SLC2A13: variants seen among roughly 807,000 people sequenced by gnomAD.
SLC2A13 encodes proton myo-inositol cotransporter.
A neutral mutation model predicts 64.4 loss-of-function variants in SLC2A13; 32 were observed. That is an observed-to-expected ratio of 0.50 (90% CI 0.37 to 0.67). The LOEUF is 0.67. SLC2A13 is among the 30% of genes least tolerant of loss of function. The pLI is 0.00. For synonymous variants in SLC2A13, 338 were observed against 327.1 expected (o/e 1.03, Z -0.36); for missense variants, 743 against 829.2 (o/e 0.90, Z 1.28).
chr12:39,799,802 G>A (rs1193464247), intron 7 of SLC2A13, among the ~76,000 whole-genome samples: 1 of 152,098 alleles, frequency 6.6e-6, no homozygotes, highest in Admixed American at 6.6e-5. Context: ...CTAAAGCCTG[G>A]CAACTGAGGA....
At chr12:39,832,279 T>A (rs1394092184) in intron 6 of SLC2A13, among the ~76,000 whole-genome samples, 2 of 152,164 alleles carry the variant, frequency 1.3e-5, no homozygotes, top group East Asian at 3.9e-4. Flanking sequence ...TGTTTTGTAT[T>A]CTGCCCATAT....
chr12:40,046,906 CTTTT>C (rs146609362), intron 2 of SLC2A13, among the ~76,000 whole-genome samples: 1 of 144,928 alleles, frequency 6.9e-6, no homozygotes, highest in East Asian at 2.0e-4. Context: ...TTCTTTCTTT[CTTTT>C]TTTTTTTTTG....
At chr12:39,896,151 T>C (rs935944278) in intron 4 of SLC2A13, among the ~76,000 whole-genome samples, 1 of 149,228 alleles carries the variant, frequency 6.7e-6, no homozygotes, top group African/African-American at 2.4e-5. Flanking sequence ...CCTATATATG[T>C]ATACACGTGT....
At chr12:39,916,092 T>C (rs1056165217) in intron 4 of SLC2A13, among the ~76,000 whole-genome samples, 2 of 151,886 alleles carry the variant, frequency 1.3e-5, no homozygotes, top group Non-Finnish European at 2.9e-5. Flanking sequence ...GATTAAAAAT[T>C]TTAATAACCA....
rs570263043 is a variant in SLC2A13 at position 39,803,427 on chromosome 12, C to A, written c.1445+26676G>T. ...TAAACTTTAGACCATAAAACTATCA[C>A]TTAGGAGCAAAAATAAGCATGAGTA... is the stretch of plus-strand genomic sequence containing the variant. On this transcript the variant is annotated intron_variant, in intron 7 of 9. Coordinates refer to ENST00000280871, the MANE Select transcript of SLC2A13 (RefSeq NM_052885.4). Among the ~76,000 whole-genome samples, 177 of 152,102 alleles carry A rather than the reference C, an allele frequency of 1.2e-3. 1 individual carries two copies. Among genetic ancestry groups the A allele is most frequent in the Non-Finnish European group, 1.9e-3 (131 of 67,976 alleles).
intron 4 of SLC2A13, among the ~76,000 whole-genome samples, chr12:39,880,793 AT>A (rs1434925227): frequency 6.6e-6 from 1 of 152,192 alleles, no homozygotes; most frequent in Non-Finnish European, 1.5e-5. Flanking sequence ...GGAAAGACCA[AT>A]TACTTGTCTC....
intron 1 of SLC2A13, among the ~76,000 whole-genome samples, chr12:40,063,837 T>A (rs942269150): frequency 1.7e-4 from 26 of 152,178 alleles, no homozygotes; most frequent in African/African-American, 6.3e-4. Flanking sequence ...TTTTACTTTT[T>A]AAAAAAACCA....
intron 2 of SLC2A13, among the ~76,000 whole-genome samples, chr12:40,045,038 C>CA (rs144490367): frequency 2.6e-3 from 397 of 152,160 alleles, no homozygotes; most frequent in African/African-American, 9.2e-3. Flanking sequence ...AGAATAATAC[C>CA]AATTCCACTA....
intron 6 of SLC2A13, among the ~76,000 whole-genome samples, chr12:39,831,735 T>G (rs1047012719): frequency 6.6e-6 from 1 of 152,018 alleles, no homozygotes; most frequent in Non-Finnish European, 1.5e-5. Flanking sequence ...TCACATGAGA[T>G]CTGGTTGTTA....
At chr12:39,914,164 C>T (rs2136045192) in intron 4 of SLC2A13, among the ~76,000 whole-genome samples, 1 of 152,098 alleles carries the variant, frequency 6.6e-6, no homozygotes, top group South Asian at 2.1e-4. Flanking sequence ...GAGAGTTCTG[C>T]ATGTCCGAGG....
chr12:39,929,906 G>A (rs560586003), intron 4 of SLC2A13, among the ~76,000 whole-genome samples: 2 of 152,188 alleles, frequency 1.3e-5, no homozygotes, highest in South Asian at 2.1e-4. Context: ...TGAGGAGGAC[G>A]GATCACCTGA....
rs1393032266 is a variant in SLC2A13 at position 39,988,679 on chromosome 12, AAGGG to A, written c.926-37318_926-37315del. Among the ~76,000 whole-genome samples, 25 of 80,546 alleles carry A rather than the reference AAGGG, an allele frequency of 3.1e-4. 1 individual carries two copies. Among genetic ancestry groups the A allele is most frequent in the East Asian group, 1.5e-3 (4 of 2,692 alleles). 52.8% of individuals were successfully genotyped at this position (80,546 alleles called of 152,430 possible). ...GGAAGGAGGGAGGGAGGGAGGGAAG[AAGGG>A]AGGGAGGGAGGAAGGAAGGAAGGAA... On this transcript the variant is annotated intron_variant, in intron 3 of 9. Transcript: ENST00000280871.
At chr12:39,957,854 G>T (rs1400708280) in intron 3 of SLC2A13, among the ~76,000 whole-genome samples, 1 of 152,084 alleles carries the variant, frequency 6.6e-6, no homozygotes, top group Non-Finnish European at 1.5e-5. Context: ...CCATGCTAGG[G>T]ACAGAAACGT....
chr12:39,922,086 G>A (rs942498406), intron 4 of SLC2A13, among the ~76,000 whole-genome samples: 13 of 151,944 alleles, frequency 8.6e-5, no homozygotes, highest in South Asian at 8.3e-4. Context: ...CTTAGTGTTC[G>A]TAGAGCCTAC....
chr12:39,786,263 G>A (rs931421561), intron 7 of SLC2A13, among the ~76,000 whole-genome samples: 5 of 152,104 alleles, frequency 3.3e-5, no homozygotes, highest in African/African-American at 9.7e-5. Context: ...CTATCCTCGT[G>A]ATAGCGAATA....
At chr12:40,034,574 T>A (rs1281850138) in intron 2 of SLC2A13, among the ~76,000 whole-genome samples, 2 of 152,214 alleles carry the variant, frequency 1.3e-5, no homozygotes, top group Non-Finnish European at 2.9e-5. Context: ...CCACTCTGTC[T>A]TCTGGCTTGC....
At chr12:39,857,708 T>A (rs1190071080) in intron 6 of SLC2A13, among the ~76,000 whole-genome samples, 1 of 152,208 alleles carries the variant, frequency 6.6e-6, no homozygotes, top group East Asian at 1.9e-4. Context: ...ATTCTCCTGG[T>A]GTATAAGGTC....
chr12:40,073,130 T>A (rs1938027695), intron 1 of SLC2A13, among the ~76,000 whole-genome samples: 1 of 152,108 alleles, frequency 6.6e-6, no homozygotes, highest in Admixed American at 6.6e-5. Flanking sequence ...TATGAATACC[T>A]TATAATAGCA....
At chr12:39,831,701 G>A (rs1273137632) in intron 6 of SLC2A13, among the ~76,000 whole-genome samples, 1 of 152,026 alleles carries the variant, frequency 6.6e-6, no homozygotes, top group African/African-American at 2.4e-5. Flanking sequence ...CATCCCCTTG[G>A]TGATGAGTGA....
Sources: allele counts gnomAD v4.1 joint callset (sites outside exome capture counted in the v4.1 genomes callset), GRCh38; gene constraint gnomAD v4.1.1; transcripts MANE v1.5; gene names NCBI Gene and HGNC (gene_info 2026-07-23, HGNC 2026-07-21).